PSMD4: variants seen among roughly 807,000 people sequenced by gnomAD.
The protein encoded by PSMD4 is proteasome 26S subunit ubiquitin receptor, non-ATPase 4.
Under a neutral mutation model 39.7 loss-of-function variants are expected in PSMD4, and 5 were observed. The ratio of observed to expected loss-of-function variants is 0.13; its 90% CI spans 0.07 to 0.26. The LOEUF is 0.26. PSMD4 is among the 10% of genes least tolerant of loss of function. The pLI is 1.00. For missense variants in PSMD4, 272 were observed against 486.1 expected, an observed-to-expected ratio of 0.56 and a Z score of 4.14; for synonymous variants, 143 against 174.6, an observed-to-expected ratio of 0.82 and a Z score of 1.43.
intron 3 of PSMD4, 58 bp downstream of exon 3, chr1:151,264,086 C>A: frequency 7.7e-7 from 1 of 1,303,872 alleles, no homozygotes; most frequent in Non-Finnish European, 1.1e-6. Context: ...CTGCCTCCAT[C>A]ATACTCATTT....
intron 4 of PSMD4, 90 bp downstream of exon 4, chr1:151,265,008 G>T: frequency 7.3e-7 from 1 of 1,370,774 alleles, no homozygotes; most frequent in South Asian, 1.2e-5. Context: ...AGAGGCATCA[G>T]GCTCATCACT....
chr1:151,254,939 G>C, intron 1 of PSMD4, 131 bp downstream of exon 1: 4 of 1,181,090 alleles, frequency 3.4e-6, no homozygotes, highest in Non-Finnish European at 4.5e-6. Flanking sequence ...GAGGTAAGGA[G>C]CCCGCTGGAC....
intron 1 of PSMD4, among the ~76,000 whole-genome samples, chr1:151,261,205 G>C (rs1377269357): frequency 8.6e-6 from 1 of 116,656 alleles, no homozygotes; most frequent in African/African-American, 3.4e-5. Context: ...TTTTTGAGAC[G>C]AAGTTTTGCT....
At chr1:151,257,715 CT>C (rs71090149) in intron 1 of PSMD4, among the ~76,000 whole-genome samples, 1,028 of 88,698 alleles carry the variant, frequency 0.012, 4 homozygotes, top group African/African-American at 0.027. Flanking sequence ...ACCTGGCTTT[CT>C]TTTTTTTTTT....
intron 1 of PSMD4, among the ~76,000 whole-genome samples, chr1:151,261,466 C>A (rs750114270): frequency 6.6e-6 from 1 of 152,040 alleles, no homozygotes; most frequent in African/African-American, 2.4e-5. Context: ...TGAGCCACCG[C>A]GCCCAGCTAT....
intron 3 of PSMD4, among the ~76,000 whole-genome samples, chr1:151,264,411 G>A (rs1293348319): frequency 5.3e-5 from 8 of 151,708 alleles, no homozygotes; most frequent in Admixed American, 3.9e-4. Context: ...AGGCTAACAC[G>A]GGCAGATCAC....
intron 2 of PSMD4, 42 bp from the exon 3 acceptor site, chr1:151,263,872 G>C (rs374886637): frequency 1.5e-6 from 2 of 1,348,896 alleles, no homozygotes; most frequent in African/African-American, 2.9e-5. Context: ...AGAGGTACTT[G>C]TGCTGACCTG....
In PSMD4 at chr1:151,265,402, C is replaced by T. The variant is rs1048889380; in HGVS notation, c.447C>T (p.Asn149=). The T allele has an allele frequency of 6.2e-7, 1 of 1,614,166 alleles. No individual in the cohort carries two copies. The highest frequency in any genetic ancestry group is 1.3e-5 in the African/African-American group (1 of 75,062). ...TGTTCTTTCCTCCCCAGGAGGTGAA[C>T]ACAGAAAAGCTGACAGCCTTTGTAA... ...DIINFGEEEV[N]TEKLTAFVNT... The change falls in exon 6 of 10, where the codon AAC becomes AAT. Residue 149 remains asparagine (N), a synonymous_variant. Coordinates refer to ENST00000368884, the MANE Select transcript of PSMD4 (RefSeq NM_002810.4).
intron 4 of PSMD4, 68 bp downstream of exon 4, chr1:151,264,986 G>T: frequency 6.9e-7 from 1 of 1,455,080 alleles, no homozygotes; most frequent in East Asian, 2.3e-5. Context: ...CCAGCCCTCA[G>T]GAGAACCTGG....
In PSMD4 at chr1:151,265,629, A is replaced by C. The variant is rs1020429795; in HGVS notation, c.654+20A>C. ...GCCTTGGTGAGCAAATGTTGACCCC[A>C]GGTAGAGTCCAAAGGTCCCTCTTTG... On this transcript the variant is annotated intron_variant, in intron 6 of 9. Coordinates refer to ENST00000368884, the MANE Select transcript of PSMD4 (RefSeq NM_002810.4). 1.2e-6 allele frequency: 2 copies of C among 1,609,502 alleles called. No homozygotes were observed. Among genetic ancestry groups the C allele is most frequent in the African/African-American group, 2.7e-5 (2 of 74,838 alleles).
At chr1:151,259,767 G>A (rs1171449801) in intron 1 of PSMD4, among the ~76,000 whole-genome samples, 1 of 151,980 alleles carries the variant, frequency 6.6e-6, no homozygotes, top group Non-Finnish European at 1.5e-5. Flanking sequence ...TTTTGGTAGA[G>A]ACTGGGTCTT....
At chr1:151,267,098 A>G in intron 9 of PSMD4, 75 bp from the exon 10 acceptor site, 1 of 1,564,182 alleles carries the variant, frequency 6.4e-7, no homozygotes, top group Non-Finnish European at 8.8e-7. Context: ...TGGCAGCGGC[A>G]TGCTCCTGTC....
chr1:151,260,024 C>A (rs995107585), intron 1 of PSMD4, among the ~76,000 whole-genome samples: 4 of 152,102 alleles, frequency 2.6e-5, no homozygotes, highest in South Asian at 4.2e-4. Flanking sequence ...CATGGAGGAA[C>A]CCCGTCTCTA....
intron 1 of PSMD4, among the ~76,000 whole-genome samples, chr1:151,260,147 C>T (rs587743054): frequency 9.9e-5 from 15 of 150,874 alleles, no homozygotes; most frequent in African/African-American, 3.2e-4. Flanking sequence ...TGCGGTGAGC[C>T]GAGATCGAGC....
In PSMD4 at chr1:151,264,889, G is replaced by A; in HGVS notation, c.340G>A (p.Gly114Arg). 6.2e-7 allele frequency: 1 copy of A among 1,613,614 alleles called. No homozygotes were observed. The highest frequency in any genetic ancestry group is 8.5e-7 in the Non-Finnish European group (1 of 1,179,772). The change falls in exon 4 of 10, where the codon GGA becomes AGA. Residue 114 changes from glycine to arginine, a missense_variant. Gly to Arg is a moderately radical substitution (Grantham distance 125, BLOSUM62 -2). Coordinates refer to ENST00000368884, the MANE Select transcript of PSMD4 (RefSeq NM_002810.4). ...NHKMRIIAFV[G>R]SPVEDNEKDL... Reference sequence around the variant, plus strand: ...CAAGATGCGCATCATTGCCTTTGTGGGAAGCCCAGTGGAGGACAATGAGAA... The same window carrying A: ...CAAGATGCGCATCATTGCCTTTGTGAGAAGCCCAGTGGAGGACAATGAGAA...
chr1:151,260,869 G>A (rs945553685), intron 1 of PSMD4, among the ~76,000 whole-genome samples: 3 of 141,386 alleles, frequency 2.1e-5, no homozygotes, highest in African/African-American at 8.0e-5. Flanking sequence ...TTTTTTTGAT[G>A]GAGTCTCACT....
chr1:151,264,080 C>T (rs1471777947), intron 3 of PSMD4, 52 bp downstream of exon 3: 3 of 1,316,864 alleles, frequency 2.3e-6, no homozygotes, highest in Non-Finnish European at 3.2e-6. Flanking sequence ...GAGGTCCTGC[C>T]TCCATCATAC....
At chr1:151,257,256 C>T (rs1273118374) in intron 1 of PSMD4, among the ~76,000 whole-genome samples, 2 of 152,056 alleles carry the variant, frequency 1.3e-5, no homozygotes, top group African/African-American at 2.4e-5. Context: ...CATAGGTGTG[C>T]GGCTTTATTT....
intron 2 of PSMD4, 119 bp from the exon 3 acceptor site, chr1:151,263,795 A>C: frequency 1.5e-6 from 1 of 655,832 alleles, no homozygotes; most frequent in South Asian, 2.2e-5. Flanking sequence ...CACGCCACGC[A>C]CTCCAGCCTG....
Sources: gnomAD v4.1 joint callset for allele counts (sites outside exome capture counted in the v4.1 genomes callset) on GRCh38, gnomAD v4.1.1 for gene constraint, MANE v1.5 for transcripts, NCBI Gene and HGNC (gene_info 2026-07-23, HGNC 2026-07-21) for gene names.